Variants in GLG1 observed in about 807,000 individuals in gnomAD.
The protein encoded by GLG1 is Golgi apparatus protein 1.
Under a neutral mutation model 160.5 loss-of-function variants are expected in GLG1, and 38 were observed. That is an observed-to-expected ratio of 0.24 (90% CI 0.18 to 0.31). GLG1 has a LOEUF of 0.31. GLG1 is among the 10% of genes least tolerant of loss of function. The pLI, the probability that GLG1 is intolerant of heterozygous loss-of-function variation, is 1.00. For missense variants in GLG1, 1,373 were observed against 1,505.2 expected, an observed-to-expected ratio of 0.91 and a Z score of 1.45; for synonymous variants, 644 against 543.4, an observed-to-expected ratio of 1.19 and a Z score of -2.57.
chr16:74,589,399 G>A (rs906564075), intron 1 of GLG1, among the ~76,000 whole-genome samples: 6 of 152,200 alleles, frequency 3.9e-5, no homozygotes, highest in African/African-American at 1.4e-4. Flanking sequence ...AGACCTAGCT[G>A]GCAGGGGAAG....
chr16:74,465,599 G>C, intron 19 of GLG1, 77 bp downstream of exon 19: 1 of 1,439,910 alleles, frequency 6.9e-7, no homozygotes. Flanking sequence ...AGCTGAGCCT[G>C]AGGAAGTTGC....
intron 3 of GLG1, among the ~76,000 whole-genome samples, chr16:74,507,102 A>C (rs2016640142): frequency 6.6e-6 from 1 of 152,202 alleles, no homozygotes; most frequent in African/African-American, 2.4e-5. Context: ...ATAGAATGAA[A>C]ATACAGAATG....
At chr16:74,458,142 A>G in intron 23 of GLG1, 148 bp from the exon 24 acceptor site, 1 of 659,244 alleles carries the variant, frequency 1.5e-6, no homozygotes, top group Non-Finnish European at 2.7e-6. Flanking sequence ...CAAGGTGGTG[A>G]TGATGTACAG....
chr16:74,592,143 C>A (rs184340134), intron 1 of GLG1, among the ~76,000 whole-genome samples: 1 of 152,180 alleles, frequency 6.6e-6, no homozygotes, highest in East Asian at 1.9e-4. Flanking sequence ...AATTTATTCA[C>A]TGATTGATTG....
chr16:74,478,009 T>TAAAA, intron 11 of GLG1, among the ~76,000 whole-genome samples: 1 of 151,380 alleles, frequency 6.6e-6, no homozygotes, highest in South Asian at 2.1e-4. Context: ...AATAAATAAA[T>TAAAA]AAATAAAATG....
intron 1 of GLG1, among the ~76,000 whole-genome samples, chr16:74,558,892 T>C (rs1463651012): frequency 1.3e-5 from 2 of 152,192 alleles, no homozygotes; most frequent in Admixed American, 1.3e-4. Context: ...CTTTTTACTT[T>C]TTATATTTTC....
chr16:74,509,809 A>G (rs1193312722), intron 2 of GLG1, among the ~76,000 whole-genome samples: 6 of 150,616 alleles, frequency 4.0e-5, no homozygotes, highest in African/African-American at 1.5e-4. Flanking sequence ...AGATAGCGCC[A>G]CTGCACTCCA....
At chr16:74,528,527 C>A (rs1226890612) in intron 2 of GLG1, among the ~76,000 whole-genome samples, 19 of 151,794 alleles carry the variant, frequency 1.3e-4, no homozygotes, top group South Asian at 8.3e-4. Flanking sequence ...AATAATGTGT[C>A]TAGGCTAGGT....
chr16:74,548,552 C>T (rs59315511), intron 1 of GLG1, among the ~76,000 whole-genome samples: 14 of 152,218 alleles, frequency 9.2e-5, no homozygotes, highest in Non-Finnish European at 1.0e-4. Flanking sequence ...TCTAGGCTTC[C>T]AAAAACAGCT....
chr16:74,601,856 T>C (rs1215995421), intron 1 of GLG1, among the ~76,000 whole-genome samples: 1 of 152,162 alleles, frequency 6.6e-6, no homozygotes, highest in Non-Finnish European at 1.5e-5. Context: ...CCATGGTACA[T>C]TAGAAAGAGT....
chr16:74,476,267 G>C (rs905556373), intron 12 of GLG1, among the ~76,000 whole-genome samples: 1 of 152,082 alleles, frequency 6.6e-6, no homozygotes, highest in Non-Finnish European at 1.5e-5. Flanking sequence ...ACTTTACTCG[G>C]GGTTCTAAAG....
At chr16:74,494,403 C>CTT (rs3973383) in intron 6 of GLG1, among the ~76,000 whole-genome samples, 44 of 70,114 alleles carry the variant, frequency 6.3e-4, no homozygotes, top group Non-Finnish European at 8.3e-4. Flanking sequence ...ATTGAGAAAG[C>CTT]TTTTTTTTTT....
intron 8 of GLG1, among the ~76,000 whole-genome samples, chr16:74,490,143 C>T (rs916527599): frequency 1.2e-4 from 19 of 152,224 alleles, no homozygotes; most frequent in Non-Finnish European, 2.2e-4. Context: ...GCACATGGTA[C>T]GTTAAGTTGC....
At chr16:74,503,447 A>C (rs1432281399) in intron 4 of GLG1, 84 bp downstream of exon 4, 5 of 916,906 alleles carry the variant, frequency 5.5e-6, no homozygotes, top group Non-Finnish European at 7.2e-6. Flanking sequence ...TCCAGTCCTA[A>C]ATTTTTCCCA....
intron 1 of GLG1, among the ~76,000 whole-genome samples, chr16:74,569,072 C>T (rs955090159): frequency 6.6e-6 from 1 of 152,124 alleles, no homozygotes; most frequent in South Asian, 2.1e-4. Flanking sequence ...CCAAGGCCTG[C>T]CCAAGGTAGG....
chr16:74,484,132 T>C (rs1366258672), intron 9 of GLG1, among the ~76,000 whole-genome samples: 1 of 152,068 alleles, frequency 6.6e-6, no homozygotes, highest in Non-Finnish European at 1.5e-5. Context: ...ATATTCCTAA[T>C]TAGTTTAACC....
rs181292650 is a variant in GLG1 at position 74,522,619 on chromosome 16, C to T, written c.471+9502G>A. ...TACATATTCTGGATACACTGTCAGACGTATGTATTATCAATTTTTTTACTT... is the reference window on the plus strand; with the variant it reads ...TACATATTCTGGATACACTGTCAGATGTATGTATTATCAATTTTTTTACTT... On this transcript the variant is annotated intron_variant, in intron 2 of 25. Transcript: ENST00000422840. Among the ~76,000 whole-genome samples the T allele has an allele frequency of 7.9e-5, 12 of 152,132 alleles. No homozygotes were observed. The East Asian group carries it at 9.6e-4, about 12-fold the overall frequency.
chr16:74,466,474 C>A (rs1159897365), intron 18 of GLG1, among the ~76,000 whole-genome samples: 1 of 152,144 alleles, frequency 6.6e-6, no homozygotes, highest in Non-Finnish European at 1.5e-5. Context: ...GCAGCTGGGG[C>A]TATCGCAGGA....
intron 1 of GLG1, among the ~76,000 whole-genome samples, chr16:74,553,938 C>A (rs1030195273): frequency 6.6e-6 from 1 of 152,186 alleles, no homozygotes; most frequent in Non-Finnish European, 1.5e-5. Flanking sequence ...AGCTATCTGA[C>A]AATAGCACAA....
Sources: allele counts gnomAD v4.1 joint callset (sites outside exome capture counted in the v4.1 genomes callset), GRCh38; gene constraint gnomAD v4.1.1; transcripts MANE v1.5; gene names NCBI Gene and HGNC (gene_info 2026-07-23, HGNC 2026-07-21).